The following NPBWR1 variants were observed in gnomAD, a reference collection of about 807,000 sequenced individuals.
NPBWR1 encodes neuropeptides B and W receptor 1.
In NPBWR1, 4 loss-of-function variants were observed where a neutral mutation model predicts 2.8. The observed-to-expected ratio is 1.44, with a 90% confidence interval of 0.71 to 3.29. The LOEUF (loss-of-function observed/expected upper bound fraction) is 3.29. Among genes scored for constraint, NPBWR1 ranks in the 30% most tolerant of loss-of-function variants. The pLI is 0.01. For synonymous variants in NPBWR1, 250 were observed against 224.5 expected (o/e 1.11, Z -1.02); for missense variants, 545 against 462.5 (o/e 1.18, Z -1.64).
At position 52,939,962 on chromosome 8, in the gene NPBWR1, C is replaced by G. The variant is rs774784110; in HGVS notation, c.55C>G (p.Pro19Ala). 1 of 1,591,154 alleles carries G rather than the reference C, an allele frequency of 6.3e-7. No individual in the cohort carries two copies. Among genetic ancestry groups the G allele is most frequent in the Admixed American group, 1.7e-5 (1 of 58,608 alleles). Residue 19 changes from proline to alanine, a missense_variant, in exon 2 of 2, where the codon CCG becomes GCG. Physicochemically the swap from Pro to Ala is conservative, Grantham distance 27. Coordinates refer to ENST00000674939, the MANE Select transcript of NPBWR1 (RefSeq NM_005285.5). ...GCCCGCCAACGCATCGGGCCCGGAC[C>G]CGGCGCTGAGCTGCTCCAACGCGTC... ...PWPANASGPD[P>A]ALSCSNASTL...
At position 52,941,818 on chromosome 8, in the gene NPBWR1, A is replaced by G. The variant is rs919527665; in HGVS notation, c.*924A>G. ...GCGGCCGAGTGCTTAGCGTCGGAGG[A>G]TCGCGGGGCTTTGTGGTGGAGCACT... On this transcript the variant is annotated 3_prime_UTR_variant, in exon 2 of 2. Transcript: ENST00000674939. Among the ~76,000 whole-genome samples, 54 of 152,132 alleles carry G rather than the reference A, an allele frequency of 3.5e-4. No individual in the cohort carries two copies. Among genetic ancestry groups the G allele is most frequent in the African/African-American group, 1.3e-3 (53 of 41,428 alleles).
Position 52,940,520 on chromosome 8 carries a change from C to T in NPBWR1, c.613C>T (p.Leu205Phe), listed in dbSNP as rs922586418. ...GGCCTTCTGGTGGCGCGCGAGCCGC[C>T]TCTACACGCTCGTGCTGGGCTTCGC... Reference protein sequence around the residue: ...PEAFWWRASRLYTLVLGFAIP... With the variant: ...PEAFWWRASRFYTLVLGFAIP... The change falls in exon 2 of 2, where the codon CTC becomes TTC. Residue 205 changes from leucine to phenylalanine, a missense_variant. Physicochemically the swap from Leu to Phe is conservative, Grantham distance 22. Coordinates refer to ENST00000674939, the MANE Select transcript of NPBWR1 (RefSeq NM_005285.5). The T allele has an allele frequency of 2.5e-6, 4 of 1,592,326 alleles. No individual in the cohort carries two copies. In the African/African-American group the frequency reaches 5.4e-5, roughly 21 times the overall value.
In NPBWR1 at chr8:52,940,614, A is replaced by T; in HGVS notation, c.707A>T (p.Asp236Val). 1.2e-6 allele frequency: 2 copies of T among 1,606,420 alleles called. No homozygotes were observed. Among genetic ancestry groups the T allele is most frequent in the South Asian group, 1.1e-5 (1 of 90,448 alleles). ...TGCCGGCTGCATGCCATGCGGCTGG[A>T]CAGCCACGCCAAGGCCCTGGAGCGC... ...LLCRLHAMRL[D>V]SHAKALERAK... Residue 236 changes from aspartate (D) to valine (V), a missense_variant, in exon 2 of 2, where the codon GAC (aspartate) becomes GTC (valine). Physicochemically the swap from Asp to Val is radical, Grantham distance 152. Coordinates refer to ENST00000674939, the MANE Select transcript of NPBWR1 (RefSeq NM_005285.5).
Position 52,939,987 on chromosome 8 carries a change from C to T in NPBWR1, c.80C>T (p.Ser27Leu), listed in dbSNP as rs762537014. Residue 27 changes from serine (S) to leucine (L), a missense_variant, in exon 2 of 2, where the codon TCG becomes TTG. Coordinates refer to ENST00000674939, the MANE Select transcript of NPBWR1 (RefSeq NM_005285.5). ...PDPALSCSNA[S>L]TLAPLPAPLA... The stretch of plus-strand genomic sequence containing the variant: ...CCGGCGCTGAGCTGCTCCAACGCGT[C>T]GACTCTGGCGCCGCTGCCGGCGCCG... 1.2e-6 allele frequency: 2 copies of T among 1,602,344 alleles called. No homozygotes were observed. The highest frequency in any genetic ancestry group is 1.7e-5 in the Admixed American group (1 of 59,874).
chr8:52,940,361 T>C lies in NPBWR1; in HGVS notation c.454T>C (p.Tyr152His), dbSNP rs754266028. The change falls in exon 2 of 2, where the codon TAC becomes CAC. Residue 152 changes from tyrosine (Y) to histidine (H), a missense_variant. Transcript: ENST00000674939. ...AESRRVAGRT[Y>H]SAARAVSLAV... Reference sequence around the variant, plus strand: ...GTCGCGCCGGGTGGCCGGCCGCACCTACAGCGCCGCGCGCGCGGTGAGCCT... The same window carrying C: ...GTCGCGCCGGGTGGCCGGCCGCACCCACAGCGCCGCGCGCGCGGTGAGCCT... 5 of 1,606,408 alleles carry C rather than the reference T, an allele frequency of 3.1e-6. No homozygotes were observed. The highest frequency in any genetic ancestry group is 4.2e-6 in the Non-Finnish European group (5 of 1,178,836).
Position 52,941,092 on chromosome 8 carries a change from GC to G in NPBWR1, c.*200del. 1.4e-6 allele frequency: 1 copy of G among 693,458 alleles called. No homozygotes were observed. Among genetic ancestry groups the G allele is most frequent in the Non-Finnish European group, 2.3e-6 (1 of 426,306 alleles). 43.0% of individuals were successfully genotyped at this position (693,458 alleles called of 1,614,324 possible). A position where few individuals can be genotyped will look rare whatever the true frequency, so the allele number is the denominator to read the frequency against. On this transcript the variant is annotated 3_prime_UTR_variant, in exon 2 of 2. Transcript: ENST00000674939. Reference sequence around the variant, plus strand: ...TGCCAAGCCCTCCAGGTGATGCGCGGCCATGCCGGGTGAGGAGAACTGAGGC... The same window carrying G: ...TGCCAAGCCCTCCAGGTGATGCGCGGCATGCCGGGTGAGGAGAACTGAGGC...
chr8:52,942,759 A>G lies in NPBWR1; in HGVS notation c.*1865A>G, dbSNP rs1802905134. 6.6e-6 allele frequency among the ~76,000 whole-genome samples: 1 copy of G among 152,186 alleles called. No homozygotes were observed. The highest frequency in any genetic ancestry group is 6.5e-5 in the Admixed American group (1 of 15,280). On this transcript the variant is annotated 3_prime_UTR_variant, in exon 2 of 2. Transcript: ENST00000674939. ...ATTCATAGCCATCAGTTTAGAAAAT[A>G]TACATTAAAAAACCTTCTGTCTTGG...
Position 52,940,413 on chromosome 8 carries a change from T to C in NPBWR1, c.506T>C (p.Val169Ala), listed in dbSNP as rs1426140917. 1 of 1,601,038 alleles carries C rather than the reference T, an allele frequency of 6.2e-7. No homozygotes were observed. The highest frequency in any genetic ancestry group is 8.5e-7 in the Non-Finnish European group (1 of 1,178,568). Reference protein sequence around the residue: ...SLAVWGIVTLVVLPFAVFARL... With the variant: ...SLAVWGIVTLAVLPFAVFARL... Reference sequence around the variant, plus strand: ...GCCGTGTGGGGGATCGTCACACTCGTCGTGCTGCCCTTCGCAGTCTTCGCC... The same window carrying C: ...GCCGTGTGGGGGATCGTCACACTCGCCGTGCTGCCCTTCGCAGTCTTCGCC... Residue 169 changes from valine to alanine, a missense_variant, in exon 2 of 2, where the codon GTC becomes GCC. By Grantham distance (64) the Val-to-Ala change is moderately conservative. Transcript: ENST00000674939.
In NPBWR1 at chr8:52,941,230, C is replaced by T. The variant is rs913284388; in HGVS notation, c.*336C>T. ...CCTCCCTGCCCTGCTCCCTGCTGCC[C>T]CACCCGAGCCCTGGCAGTCTGGAAC... On this transcript the variant is annotated 3_prime_UTR_variant, in exon 2 of 2. Coordinates refer to ENST00000674939, the MANE Select transcript of NPBWR1 (RefSeq NM_005285.5). 6 of 270,830 alleles carry T rather than the reference C, an allele frequency of 2.2e-5. No homozygotes were observed. In the East Asian group the frequency reaches 4.6e-4, roughly 21 times the overall value. The allele number at this position is 270,830 out of a possible 1,614,324, so 16.8% of individuals were successfully genotyped here. A position where few individuals can be genotyped will look rare whatever the true frequency, so the allele number is the denominator to read the frequency against.
Position 52,939,714 on chromosome 8 carries a change from C to T in NPBWR1, c.-194C>T. ...TGCTTTAAATTCCTCTTTCCAGCCCCGTGAGTCCGCGGCGACATTGGGCCG... is the reference window on the plus strand; with the variant it reads ...TGCTTTAAATTCCTCTTTCCAGCCCTGTGAGTCCGCGGCGACATTGGGCCG... On this transcript the variant is annotated 5_prime_UTR_variant, in exon 2 of 2. Coordinates refer to ENST00000674939, the MANE Select transcript of NPBWR1 (RefSeq NM_005285.5). The T allele has an allele frequency of 1.7e-6, 1 of 580,212 alleles. No homozygotes were observed. Among genetic ancestry groups the T allele is most frequent in the Non-Finnish European group, 2.9e-6 (1 of 343,738 alleles). 35.9% of individuals were successfully genotyped at this position (580,212 alleles called of 1,614,324 possible).
chr8:52,939,974 TG>T lies in NPBWR1; in HGVS notation c.68del (p.Cys23SerfsTer24), dbSNP rs772615619. On this transcript the variant is annotated frameshift_variant, in exon 2 of 2. Transcript: ENST00000674939. LOFTEE classifies it low-confidence loss of function (END_TRUNC). ...ATCGGGCCCGGACCCGGCGCTGAGC[TG>T]CTCCAACGCGTCGACTCTGGCGCCG... is the stretch of plus-strand genomic sequence containing the variant. The part of the protein sequence containing the change: ...NASGPDPALS[C>X]SNASTLAPLP... The T allele has an allele frequency of 3.1e-6, 5 of 1,600,316 alleles. No homozygotes were observed. In the South Asian group the frequency reaches 5.5e-5, roughly 18 times the overall value.
rs1204796855 is a variant in NPBWR1, at chr8:52,940,510, C to T, written c.603C>T (p.Arg201=). The change falls in exon 2 of 2, where the codon CGC becomes CGT. Residue 201 remains arginine (R), a synonymous_variant. Coordinates refer to ENST00000674939, the MANE Select transcript of NPBWR1 (RefSeq NM_005285.5). ...CGCAGCCCGAGGCCTTCTGGTGGCG[C>T]GCGAGCCGCCTCTACACGCTCGTGC... ...VFPQPEAFWW[R]ASRLYTLVLG... The T allele has an allele frequency of 6.3e-7, 1 of 1,583,904 alleles. No individual in the cohort carries two copies. The highest frequency in any genetic ancestry group is 1.1e-5 in the South Asian group (1 of 88,400).
rs2128778494 is a variant in NPBWR1, at chr8:52,943,026, T to G, written c.*2132T>G. On this transcript the variant is annotated 3_prime_UTR_variant, in exon 2 of 2. Transcript: ENST00000674939. ...TTAAAGTTTTAAACTTAGAGTAACT[T>G]CTAGATTACCTAAGGTGATGGACAA... 6.6e-6 allele frequency among the ~76,000 whole-genome samples: 1 copy of G among 152,366 alleles called. No homozygotes were observed. Among genetic ancestry groups the G allele is most frequent in the South Asian group, 2.1e-4 (1 of 4,834 alleles).
rs1467081731 is a variant in NPBWR1 at position 52,943,035 on chromosome 8, C to T, written c.*2141C>T. 6.6e-6 allele frequency among the ~76,000 whole-genome samples: 1 copy of T among 152,100 alleles called. No homozygotes were observed. The highest frequency in any genetic ancestry group is 1.9e-4 in the East Asian group (1 of 5,202). On this transcript the variant is annotated 3_prime_UTR_variant, in exon 2 of 2. Coordinates refer to ENST00000674939, the MANE Select transcript of NPBWR1 (RefSeq NM_005285.5). ...TAAACTTAGAGTAACTTCTAGATTA[C>T]CTAAGGTGATGGACAAAGAGTAAGG...
rs927100217 is a variant in NPBWR1, at chr8:52,941,125, C to G, written c.*231C>G. ...GGGTGAGGAGAACTGAGGCTGAGAT[C>G]GCCACACTGAGGGCTCCCTAAAGCC... On this transcript the variant is annotated 3_prime_UTR_variant, in exon 2 of 2. Coordinates refer to ENST00000674939, the MANE Select transcript of NPBWR1 (RefSeq NM_005285.5). The G allele has an allele frequency of 3.4e-5, 21 of 608,760 alleles. No homozygotes were observed. The South Asian group carries it at 4.6e-4, about 13-fold the overall frequency. 37.7% of individuals were successfully genotyped at this position (608,760 alleles called of 1,614,324 possible). A position where few individuals can be genotyped will look rare whatever the true frequency, so the allele number is the denominator to read the frequency against.
chr8:52,939,713 C>G lies in NPBWR1; in HGVS notation c.-195C>G, dbSNP rs1298325637. 8 of 578,788 alleles carry G rather than the reference C, an allele frequency of 1.4e-5. No individual in the cohort carries two copies. The highest frequency in any genetic ancestry group is 2.3e-5 in the Non-Finnish European group (8 of 342,546). The allele number at this position is 578,788 out of a possible 1,614,324, so 35.9% of individuals were successfully genotyped here. On this transcript the variant is annotated splice_region_variant and 5_prime_UTR_variant, in exon 2 of 2. Transcript: ENST00000674939. ...ATGCTTTAAATTCCTCTTTCCAGCC[C>G]CGTGAGTCCGCGGCGACATTGGGCC...
chr8:52,940,465 C>G lies in NPBWR1; in HGVS notation c.558C>G (p.Arg186=). 2 of 1,587,026 alleles carry G rather than the reference C, an allele frequency of 1.3e-6. No homozygotes were observed. The highest frequency in any genetic ancestry group is 1.7e-6 in the Non-Finnish European group (2 of 1,172,122). Residue 186 remains arginine (R), a synonymous_variant, in exon 2 of 2, where the codon CGC becomes CGG. Coordinates refer to ENST00000674939, the MANE Select transcript of NPBWR1 (RefSeq NM_005285.5). ...FARLDDEQGR[R]QCVLVFPQPE... The stretch of plus-strand genomic sequence containing the variant: ...GGCTAGACGACGAGCAGGGCCGGCG[C>G]CAGTGCGTGCTAGTCTTTCCGCAGC...
Position 52,942,205 on chromosome 8 carries a change from G to A in NPBWR1, c.*1311G>A, listed in dbSNP as rs962486946. ...TCACAGGGAGCTGTGGATTACCTGGGCTTTATTCCTTACTTGTAGACGGCA... is the reference window on the plus strand; with the variant it reads ...TCACAGGGAGCTGTGGATTACCTGGACTTTATTCCTTACTTGTAGACGGCA... On this transcript the variant is annotated 3_prime_UTR_variant, in exon 2 of 2. Coordinates refer to ENST00000674939, the MANE Select transcript of NPBWR1 (RefSeq NM_005285.5). 1.3e-5 allele frequency among the ~76,000 whole-genome samples: 2 copies of A among 152,226 alleles called. No individual in the cohort carries two copies. The highest frequency in any genetic ancestry group is 4.8e-5 in the African/African-American group (2 of 41,454).
Position 52,940,265 on chromosome 8 carries a change from A to G in NPBWR1, c.358A>G (p.Thr120Ala). The change falls in exon 2 of 2, where the codon ACC becomes GCC. Residue 120 changes from threonine to alanine, a missense_variant. Physicochemically the swap from Thr to Ala is moderately conservative, Grantham distance 58 (BLOSUM62 0). Coordinates refer to ENST00000674939, the MANE Select transcript of NPBWR1 (RefSeq NM_005285.5). ...CATCGTGGCTATCGACCAGTACAAC[A>G]CCTTCTCCAGCCTCTACTTCCTCAC... ...KLIVAIDQYN[T>A]FSSLYFLTVM... 6.2e-7 allele frequency: 1 copy of G among 1,612,856 alleles called. No homozygotes were observed. The highest frequency in any genetic ancestry group is 8.5e-7 in the Non-Finnish European group (1 of 1,179,888).
Sources: allele counts gnomAD v4.1 joint callset (sites outside exome capture counted in the v4.1 genomes callset), GRCh38; gene constraint gnomAD v4.1.1; transcripts MANE v1.5; gene names NCBI Gene and HGNC (gene_info 2026-07-23, HGNC 2026-07-21).